Variants in ASIC2 observed in about 807,000 individuals in gnomAD.
The protein encoded by ASIC2 is acid-sensing ion channel 2.
Under a neutral mutation model 57.3 loss-of-function variants are expected in ASIC2, and 25 were observed. That is an observed-to-expected ratio of 0.44 (90% CI 0.32 to 0.61). The LOEUF is 0.61. ASIC2 is among the 20% of genes least tolerant of loss of function. ASIC2 has a pLI of 0.06. For synonymous variants in ASIC2, 319 were observed against 307.5 expected, an observed-to-expected ratio of 1.04 and a Z score of -0.39; for missense variants, 641 against 738.1, an observed-to-expected ratio of 0.87 and a Z score of 1.52.
intron 1 of ASIC2, among the ~76,000 whole-genome samples, chr17:34,117,213 G>A (rs1317227154): frequency 6.6e-6 from 1 of 152,080 alleles, no homozygotes; most frequent in Non-Finnish European, 1.5e-5. Flanking sequence ...TAGGGAAGAG[G>A]AGAGAAAGAT....
intron 1 of ASIC2, among the ~76,000 whole-genome samples, chr17:33,474,526 C>A (rs4795795): frequency 1.3e-5 from 2 of 152,192 alleles, no homozygotes; most frequent in African/African-American, 4.8e-5. Flanking sequence ...CAAGGGGGAA[C>A]GGAAGAGAAC....
At chr17:33,559,627 C>G (rs960545821) in intron 1 of ASIC2, among the ~76,000 whole-genome samples, 5 of 152,016 alleles carry the variant, frequency 3.3e-5, no homozygotes, top group African/African-American at 1.2e-4. Context: ...GCAGAGATCC[C>G]CACATTCATA....
chr17:33,296,907 G>C (rs2030372494), upstream of ASIC2, among the ~76,000 whole-genome samples: 2 of 152,202 alleles, frequency 1.3e-5, no homozygotes, highest in African/African-American at 2.4e-5. Flanking sequence ...CCTGCCCACT[G>C]TAGGAATCCG....
intron 1 of ASIC2, among the ~76,000 whole-genome samples, chr17:33,992,829 T>A (rs1052728624): frequency 2.0e-5 from 3 of 152,174 alleles, no homozygotes; most frequent in Non-Finnish European, 4.4e-5. Flanking sequence ...TGAGATTTGA[T>A]GAATAAATGA....
chr17:33,110,996 C>T (rs1488954349), intron 2 of ASIC2, among the ~76,000 whole-genome samples: 1 of 152,174 alleles, frequency 6.6e-6, no homozygotes, highest in Non-Finnish European at 1.5e-5. Context: ...CCATGGTTCC[C>T]AGTCTTGGGC....
At chr17:34,050,911 C>G (rs59283062) in intron 1 of ASIC2, among the ~76,000 whole-genome samples, 2,269 of 152,280 alleles carry the variant, frequency 0.015, 53 homozygotes, top group East Asian at 0.059. Context: ...GAAAGGACAG[C>G]CTGCAGATGC....
intron 1 of ASIC2, among the ~76,000 whole-genome samples, chr17:33,795,937 C>A (rs1911902801): frequency 6.6e-6 from 1 of 152,216 alleles, no homozygotes; most frequent in Admixed American, 6.5e-5. Context: ...GAGCACATGG[C>A]AGAAATTCAT....
chr17:33,560,543 A>C (rs1916041623), intron 1 of ASIC2, among the ~76,000 whole-genome samples: 2 of 152,126 alleles, frequency 1.3e-5, no homozygotes, highest in African/African-American at 2.4e-5. Context: ...GATTTTTTTA[A>C]ATGTTCAGAG....
intron 3 of ASIC2, among the ~76,000 whole-genome samples, chr17:33,056,478 C>A (rs1335478987): frequency 2.0e-5 from 3 of 152,126 alleles, no homozygotes; most frequent in African/African-American, 7.2e-5. Flanking sequence ...AGGATTCAGC[C>A]TTCTTTAGGG....
At chr17:33,030,977 T>C (rs867197121) in intron 3 of ASIC2, among the ~76,000 whole-genome samples, 5 of 152,310 alleles carry the variant, frequency 3.3e-5, no homozygotes, top group African/African-American at 1.2e-4. Flanking sequence ...TTACTTTTCT[T>C]ATAACCTCCT....
chr17:33,970,841 G>C (rs754306618), intron 1 of ASIC2, among the ~76,000 whole-genome samples: 2 of 152,132 alleles, frequency 1.3e-5, no homozygotes, highest in Admixed American at 6.5e-5. Context: ...TGAAGTGGGG[G>C]CTGAGAAATC....
intron 1 of ASIC2, among the ~76,000 whole-genome samples, chr17:33,315,219 T>C (rs1232382915): frequency 6.6e-6 from 1 of 152,152 alleles, no homozygotes; most frequent in African/African-American, 2.4e-5. Context: ...GAATGCACAA[T>C]TAAACAAATA....
At chr17:33,557,775 C>A (rs998896295) in intron 1 of ASIC2, among the ~76,000 whole-genome samples, 14 of 152,154 alleles carry the variant, frequency 9.2e-5, no homozygotes, top group African/African-American at 3.4e-4. Context: ...ATATCCAACT[C>A]ATCACTATAT....
At chr17:34,104,338 T>C (rs1231048929) in intron 1 of ASIC2, among the ~76,000 whole-genome samples, 1 of 152,176 alleles carries the variant, frequency 6.6e-6, no homozygotes, top group Non-Finnish European at 1.5e-5. Flanking sequence ...CTAGGAGTTT[T>C]CTTTGTTCAT....
intron 1 of ASIC2, among the ~76,000 whole-genome samples, chr17:33,795,635 C>T (rs1468896058): frequency 6.6e-6 from 1 of 152,246 alleles, no homozygotes. Flanking sequence ...TGTTGCCCAT[C>T]CCAGTTCCTG....
intron 1 of ASIC2, chr17:34,081,045 A>G (rs1289540558): frequency 6.6e-6 from 1 of 152,010 alleles, no homozygotes; most frequent in African/African-American, 2.4e-5. Context: ...CTCTATTGGC[A>G]TCTATCTGAA....
chr17:33,884,365 G>A (rs534139707), intron 1 of ASIC2, among the ~76,000 whole-genome samples: 2 of 152,318 alleles, frequency 1.3e-5, no homozygotes, highest in South Asian at 4.1e-4. Flanking sequence ...CCTAGGGATA[G>A]TGATAGTTCC....
chr17:33,830,629 G>A (rs1913075957), intron 1 of ASIC2, among the ~76,000 whole-genome samples: 1 of 151,872 alleles, frequency 6.6e-6, no homozygotes, highest in African/African-American at 2.4e-5. Flanking sequence ...CATGGGCCAC[G>A]GTGGTTTCCT....
At chr17:33,928,949 G>A (rs1268554319) in intron 1 of ASIC2, among the ~76,000 whole-genome samples, 1 of 152,128 alleles carries the variant, frequency 6.6e-6, no homozygotes, top group Non-Finnish European at 1.5e-5. Context: ...TGCATGTAGG[G>A]AGGCGCTCGT....
Sources: gnomAD v4.1 joint callset for allele counts (sites outside exome capture counted in the v4.1 genomes callset) on GRCh38, gnomAD v4.1.1 for gene constraint, MANE v1.5 for transcripts, NCBI Gene and HGNC (gene_info 2026-07-23, HGNC 2026-07-21) for gene names.